The following ENTREP2 variants were observed in gnomAD, a reference collection of about 807,000 sequenced individuals.
The protein encoded by ENTREP2 is endosomal transmembrane epsin interactor 2, also known as protein ENTREP2.
the ENTREP2 span, among the ~76,000 whole-genome samples, chr15:29,558,447 G>A: frequency 1.3e-5 from 2 of 151,538 alleles, no homozygotes; most frequent in African/African-American, 4.9e-5. Flanking sequence ...CCCAGGCTCA[G>A]TACATGCCCG....
At chr15:29,662,537 A>C in the ENTREP2 span, among the ~76,000 whole-genome samples, 7 of 152,036 alleles carry the variant, frequency 4.6e-5, no homozygotes, top group Admixed American at 1.3e-4. Context: ...CCACCATTTT[A>C]GTGCATTACA....
chr15:29,474,585 C>T, the ENTREP2 span, among the ~76,000 whole-genome samples: 1 of 151,908 alleles, frequency 6.6e-6, no homozygotes, highest in Non-Finnish European at 1.5e-5. Flanking sequence ...GACAGGGTCT[C>T]ACTCCGTCAC....
the ENTREP2 span, chr15:29,136,313 G>T: frequency 1.4e-6 from 2 of 1,444,604 alleles, no homozygotes; most frequent in South Asian, 2.9e-5. Context: ...GGCCGGGACG[G>T]TGTCCCTAGC....
the ENTREP2 span, among the ~76,000 whole-genome samples, chr15:29,558,265 G>A: frequency 6.6e-6 from 1 of 152,080 alleles, no homozygotes. Context: ...CTGCCTAGCA[G>A]GCCTCTGAAG....
the ENTREP2 span, chr15:29,136,566 C>CAAAA: frequency 2.0e-6 from 3 of 1,513,954 alleles, no homozygotes; most frequent in African/African-American, 4.2e-5. Context: ...TGACAGCTCT[C>CAAAA]AAAGCCGCCA....
the ENTREP2 span, among the ~76,000 whole-genome samples, chr15:29,310,249 A>T: frequency 1.3e-5 from 2 of 152,298 alleles, no homozygotes; most frequent in South Asian, 4.1e-4. Flanking sequence ...AATACCTTCA[A>T]GTCTGGGGTG....
At chr15:29,356,296 A>ATATATATTTTT in the ENTREP2 span, among the ~76,000 whole-genome samples, 1 of 34,384 alleles carries the variant, frequency 2.9e-5, no homozygotes, top group African/African-American at 8.8e-5. Context: ...ATATATATAT[A>ATATATATTTTT]TTTTTTTTTT....
At chr15:29,169,008 G>C in the ENTREP2 span, among the ~76,000 whole-genome samples, 1 of 152,096 alleles carries the variant, frequency 6.6e-6, no homozygotes, top group Non-Finnish European at 1.5e-5. Context: ...ACAGTTCTAC[G>C]AAGTTTTAAG....
chr15:29,640,549 C>G, the ENTREP2 span, among the ~76,000 whole-genome samples: 24 of 152,066 alleles, frequency 1.6e-4, no homozygotes, highest in African/African-American at 5.1e-4. Context: ...GTAGACCCAG[C>G]TACTCTGGGA....
chr15:29,560,420 G>T, the ENTREP2 span, among the ~76,000 whole-genome samples: 1 of 152,182 alleles, frequency 6.6e-6, no homozygotes, highest in African/African-American at 2.4e-5. Context: ...TGTCCAGTGG[G>T]GCAGAGAGAG....
chr15:29,475,253 G>C, the ENTREP2 span, among the ~76,000 whole-genome samples: 394 of 152,258 alleles, frequency 2.6e-3, 1 homozygote, highest in African/African-American at 8.9e-3. Context: ...CGCTGAGAGA[G>C]TACAGGCTCA....
the ENTREP2 span, among the ~76,000 whole-genome samples, chr15:29,258,145 G>A: frequency 6.6e-6 from 1 of 150,888 alleles, no homozygotes; most frequent in Admixed American, 6.6e-5. Context: ...CTCGGGAGAT[G>A]GAGGTTGCAG....
At chr15:29,546,084 T>G in the ENTREP2 span, among the ~76,000 whole-genome samples, 10 of 152,178 alleles carry the variant, frequency 6.6e-5, no homozygotes, top group Non-Finnish European at 1.3e-4. Flanking sequence ...TTGCCCTCTA[T>G]CTCAACAATG....
chr15:29,185,805 GC>G, the ENTREP2 span, among the ~76,000 whole-genome samples: 7 of 152,098 alleles, frequency 4.6e-5, no homozygotes, highest in Non-Finnish European at 7.4e-5. Context: ...CAGGTGATCT[GC>G]CCACCTCGGC....
At chr15:29,238,848 T>C in the ENTREP2 span, among the ~76,000 whole-genome samples, 1 of 151,986 alleles carries the variant, frequency 6.6e-6, no homozygotes, top group Non-Finnish European at 1.5e-5. Context: ...GAATTCACTA[T>C]CATGATGACA....
chr15:29,183,918 G>T, the ENTREP2 span, among the ~76,000 whole-genome samples: 1 of 152,108 alleles, frequency 6.6e-6, no homozygotes, highest in African/African-American at 2.4e-5. Flanking sequence ...TGTAAACATA[G>T]TAAGATTGAA....
At chr15:29,401,649 C>T in the ENTREP2 span, among the ~76,000 whole-genome samples, 1 of 152,174 alleles carries the variant, frequency 6.6e-6, no homozygotes, top group Non-Finnish European at 1.5e-5. Flanking sequence ...TGGTTTCAAT[C>T]CTGGGAATTT....
the ENTREP2 span, among the ~76,000 whole-genome samples, chr15:29,439,541 G>A: frequency 6.6e-6 from 1 of 152,110 alleles, no homozygotes; most frequent in Non-Finnish European, 1.5e-5. Flanking sequence ...TCAGAAATGT[G>A]AAAAACAAAG....
At chr15:29,508,304 G>A in the ENTREP2 span, among the ~76,000 whole-genome samples, 77 of 152,258 alleles carry the variant, frequency 5.1e-4, no homozygotes, top group African/African-American at 1.8e-3. Flanking sequence ...ATTTACAGCC[G>A]AATTCTACCA....
Sources: gnomAD v4.1 joint callset for allele counts (sites outside exome capture counted in the v4.1 genomes callset) on GRCh38, gnomAD v4.1.1 for gene constraint, MANE v1.5 for transcripts, NCBI Gene and HGNC (gene_info 2026-07-23, HGNC 2026-07-21) for gene names.